The following FHAD1 variants were observed in gnomAD, a reference collection of about 807,000 sequenced individuals.
The protein encoded by FHAD1 is forkhead associated phosphopeptide binding domain 1.
A neutral mutation model predicts 191.3 loss-of-function variants in FHAD1; 146 were observed. The observed-to-expected ratio is 0.76, with a 90% CI of 0.67 to 0.88. The LOEUF (loss-of-function observed/expected upper bound fraction) is 0.88. Among genes scored for constraint, FHAD1 ranks in the 40% least tolerant of loss-of-function variants. FHAD1 has a pLI of 0.00. For missense variants in FHAD1, 1,635 were observed against 1,785.8 expected (o/e 0.92, Z 1.52); for synonymous variants, 616 against 672.3 (o/e 0.92, Z 1.29).
At chr1:15,334,873 G>C (rs1325629017) in intron 14 of FHAD1, among the ~76,000 whole-genome samples, 1 of 152,142 alleles carries the variant, frequency 6.6e-6, no homozygotes, top group Non-Finnish European at 1.5e-5. Context: ...TTGAAGCCAA[G>C]AGCCCTTTCT....
chr1:15,386,013 G>A (rs999611699), intron 31 of FHAD1, among the ~76,000 whole-genome samples: 2 of 152,224 alleles, frequency 1.3e-5, no homozygotes, highest in African/African-American at 2.4e-5. Flanking sequence ...AAACAAGGCA[G>A]CAGAGTTTCT....
chr1:15,377,796 C>T (rs180838702), intron 28 of FHAD1, among the ~76,000 whole-genome samples: 4 of 151,960 alleles, frequency 2.6e-5, no homozygotes, highest in Non-Finnish European at 5.9e-5. Context: ...CACATGATTG[C>T]ACTCTGGCCT....
intron 4 of FHAD1, among the ~76,000 whole-genome samples, chr1:15,292,298 C>A (rs1379121290): frequency 6.6e-6 from 1 of 151,946 alleles, no homozygotes; most frequent in African/African-American, 2.4e-5. Context: ...CAGGCACCCA[C>A]CACCAGGCCT....
At chr1:15,395,513 C>A (rs2496310) in intron 33 of FHAD1, among the ~76,000 whole-genome samples, 1 of 152,116 alleles carries the variant, frequency 6.6e-6, no homozygotes, top group South Asian at 2.1e-4. Context: ...GCCCAGGGAG[C>A]GAGTGGCATC....
chr1:15,332,662 T>A (rs1682204428), intron 14 of FHAD1, among the ~76,000 whole-genome samples: 1 of 152,164 alleles, frequency 6.6e-6, no homozygotes, highest in African/African-American at 2.4e-5. Flanking sequence ...AAGGCTGCAG[T>A]GAGCTATGAT....
intron 24 of FHAD1, among the ~76,000 whole-genome samples, 186 bp downstream of exon 24, chr1:15,366,119 C>G (rs1696358250): frequency 6.6e-6 from 1 of 151,992 alleles, no homozygotes; most frequent in Non-Finnish European, 1.5e-5. Context: ...AAACCCACCT[C>G]TACTAAAAAT....
At chr1:15,260,852 G>C (rs56722038) in intron 2 of FHAD1, among the ~76,000 whole-genome samples, 18,866 of 152,234 alleles carry the variant, frequency 0.12, 2,697 homozygotes, top group African/African-American at 0.34. Flanking sequence ...GTTTCAAGAT[G>C]AGTCATCGTT....
chr1:15,256,881 T>C (rs1425036212), intron 2 of FHAD1, among the ~76,000 whole-genome samples: 1 of 152,114 alleles, frequency 6.6e-6, no homozygotes, highest in Non-Finnish European at 1.5e-5. Flanking sequence ...CTGCCCTTTG[T>C]GGACAGCATC....
chr1:15,250,139 A>C (rs577571922), intron 1 of FHAD1, among the ~76,000 whole-genome samples: 11 of 152,336 alleles, frequency 7.2e-5, no homozygotes, highest in East Asian at 3.9e-4. Flanking sequence ...ATAGTCCAAT[A>C]ATTTGTCATT....
chr1:15,253,903 T>C (rs2100829430), intron 2 of FHAD1, among the ~76,000 whole-genome samples: 1 of 152,318 alleles, frequency 6.6e-6, no homozygotes, highest in East Asian at 1.9e-4. Context: ...GGAAAAGCAT[T>C]CTGTCTTTCA....
In FHAD1 at chr1:15,298,111, A is replaced by G. The variant is rs186428346; in HGVS notation, c.678+1318A>G. On this transcript the variant is annotated intron_variant, in intron 5 of 33. Coordinates refer to ENST00000688493, the MANE Select transcript of FHAD1 (RefSeq NM_001391957.1). ...AATAGCAGCACAATTCACAATTGCAAAATCATGGAACCAATCCAAATGCCC... is the reference window on the plus strand; with the variant it reads ...AATAGCAGCACAATTCACAATTGCAGAATCATGGAACCAATCCAAATGCCC... Among the ~76,000 whole-genome samples the G allele has an allele frequency of 3.9e-5, 6 of 152,364 alleles. No individual in the cohort carries two copies. In the East Asian group the frequency reaches 1.2e-3, roughly 29 times the overall value.
At chr1:15,265,332 A>G (rs1177184716) in intron 2 of FHAD1, among the ~76,000 whole-genome samples, 2 of 152,246 alleles carry the variant, frequency 1.3e-5, no homozygotes, top group Non-Finnish European at 2.9e-5. Flanking sequence ...ATGTTAGCTG[A>G]TAATAATAAT....
rs561909148 is a variant in FHAD1 at position 15,289,484 on chromosome 1, C to T, written c.386C>T (p.Pro129Leu). The change falls in exon 4 of 34, where the codon CCA (proline) becomes CTA (leucine). Residue 129 changes from proline to leucine, a missense_variant. Coordinates refer to ENST00000688493, the MANE Select transcript of FHAD1 (RefSeq NM_001391957.1). The surrounding 1 kb of genome is among the most constrained non-coding windows in gnomAD (Gnocchi z 4.2). The stretch of plus-strand genomic sequence containing the variant: ...ACACAGCAGCCAAACCAGGCCCCCC[C>T]ACCATCACATATCCCCTTCCACCAA... Reference protein sequence around the residue: ...RATQQPNQAPPPSHIPFHQGV... With the variant: ...RATQQPNQAPLPSHIPFHQGV... 4 of 1,551,780 alleles carry T rather than the reference C, an allele frequency of 2.6e-6. No homozygotes were observed. Among genetic ancestry groups the T allele is most frequent in the Non-Finnish European group, 3.5e-6 (4 of 1,147,050 alleles).
chr1:15,293,520 C>T (rs515601), intron 4 of FHAD1, among the ~76,000 whole-genome samples: 97,890 of 151,948 alleles, frequency 0.64, 32,048 homozygotes, highest in East Asian at 0.83. Context: ...GAGTCTGAGA[C>T]CAGCCTGACT....
At chr1:15,248,237 G>A (rs1012912426) in intron 1 of FHAD1, among the ~76,000 whole-genome samples, 2 of 152,146 alleles carry the variant, frequency 1.3e-5, no homozygotes, top group Non-Finnish European at 2.9e-5. Flanking sequence ...CCAGAGGGGA[G>A]TAATGAACAG....
intron 15 of FHAD1, among the ~76,000 whole-genome samples, chr1:15,340,445 C>G (rs1216089168): frequency 6.6e-6 from 1 of 152,198 alleles, no homozygotes; most frequent in Non-Finnish European, 1.5e-5. Flanking sequence ...CTGGCCTCAG[C>G]TGGAGTGACT....
intron 26 of FHAD1, among the ~76,000 whole-genome samples, chr1:15,372,641 G>A (rs1442982070): frequency 6.6e-6 from 1 of 151,962 alleles, no homozygotes; most frequent in Non-Finnish European, 1.5e-5. Context: ...AAATAATTTT[G>A]GTTCACTTCA....
chr1:15,305,497 C>T (rs1670178232), intron 6 of FHAD1, among the ~76,000 whole-genome samples: 1 of 152,192 alleles, frequency 6.6e-6, no homozygotes, highest in Admixed American at 6.5e-5. Flanking sequence ...CCCAAGCAAG[C>T]AACCTCACCC....
chr1:15,258,831 G>T (rs1000181293), intron 2 of FHAD1, among the ~76,000 whole-genome samples: 2 of 151,850 alleles, frequency 1.3e-5, no homozygotes, highest in African/African-American at 4.8e-5. Flanking sequence ...CAGGTGATCC[G>T]CCCGCCTCGG....
Sources: gnomAD v4.1 joint callset for allele counts (sites outside exome capture counted in the v4.1 genomes callset) on GRCh38, gnomAD v4.1.1 for gene constraint, Gnocchi (gnomAD v3.1) non-coding constraint, MANE v1.5 for transcripts, NCBI Gene and HGNC (gene_info 2026-07-23, HGNC 2026-07-21) for gene names.